PDZD2: variants seen among roughly 807,000 people sequenced by gnomAD.
The protein encoded by PDZD2 is PDZ domain-containing protein 2.
A neutral mutation model predicts 220.7 loss-of-function variants in PDZD2; 90 were observed. That is an observed-to-expected ratio of 0.41 (90% confidence interval 0.34 to 0.49). The LOEUF is 0.49. Ranked by LOEUF, PDZD2 falls within the 20% of genes least tolerant of loss-of-function variation. PDZD2 has a pLI of 0.28. For missense variants in PDZD2, 3,174 were observed against 3,608.5 expected (o/e 0.88, Z 3.08); for synonymous variants, 1,375 against 1,450.5 (o/e 0.95, Z 1.18).
chr5:31,760,344 G>T (rs1018070308), intron 1 of PDZD2, among the ~76,000 whole-genome samples: 2 of 152,138 alleles, frequency 1.3e-5, no homozygotes, highest in African/African-American at 4.8e-5. Context: ...AAGCCTAGAG[G>T]AATAATCAGA....
At chr5:32,058,472 C>T (rs912186727) in intron 12 of PDZD2, among the ~76,000 whole-genome samples, 1 of 151,022 alleles carries the variant, frequency 6.6e-6, no homozygotes, top group African/African-American at 2.4e-5. Context: ...AGTTTGAGAC[C>T]AGCCTCCCCA....
At chr5:31,720,968 G>C (rs1368656583) in intron 1 of PDZD2, among the ~76,000 whole-genome samples, 1 of 152,164 alleles carries the variant, frequency 6.6e-6, no homozygotes, top group East Asian at 1.9e-4. Context: ...TAGTTTCTGT[G>C]GGTAGCCTTG....
At chr5:31,883,502 T>C (rs1384451652) in intron 2 of PDZD2, among the ~76,000 whole-genome samples, 2 of 152,190 alleles carry the variant, frequency 1.3e-5, no homozygotes, top group African/African-American at 2.4e-5. Flanking sequence ...ACTACAGGCA[T>C]GAGCCACCGT....
At chr5:31,695,684 G>A (rs894848335) in intron 1 of PDZD2, among the ~76,000 whole-genome samples, 6 of 152,164 alleles carry the variant, frequency 3.9e-5, no homozygotes, top group Admixed American at 6.5e-5. Flanking sequence ...TTTACAGGGC[G>A]TCCTTCCGCT....
At chr5:32,002,964 A>C (rs1752372228) in intron 5 of PDZD2, among the ~76,000 whole-genome samples, 1 of 99,002 alleles carries the variant, frequency 1.0e-5, no homozygotes, top group African/African-American at 4.1e-5. Context: ...CCACACACAC[A>C]CCAACACACA....
chr5:31,683,911 C>T (rs193160809), intron 1 of PDZD2, among the ~76,000 whole-genome samples: 41 of 152,172 alleles, frequency 2.7e-4, no homozygotes, highest in Non-Finnish European at 4.9e-4. Context: ...AGAAAGGTTG[C>T]ACAAATTTAC....
chr5:32,102,188 C>A (rs1202139666), intron 24 of PDZD2, among the ~76,000 whole-genome samples: 1 of 152,060 alleles, frequency 6.6e-6, no homozygotes, highest in African/African-American at 2.4e-5. Flanking sequence ...AATGAAGCCT[C>A]TGTGGTAAGC....
rs1345334581 is a variant in PDZD2, at chr5:32,098,625, C to G, written c.8209C>G (p.Pro2737Ala). 3 of 1,612,714 alleles carry G rather than the reference C, an allele frequency of 1.9e-6. No individual in the cohort carries two copies. Among genetic ancestry groups the G allele is most frequent in the Admixed American group, 1.7e-5 (1 of 59,864 alleles). Residue 2737 changes from proline to alanine, a missense_variant, in exon 23 of 25, where the codon CCT becomes GCT. This residue lies in a region of PDZD2 where 631 missense variants were observed against 789.9 expected (regional missense o/e 0.80). Coordinates refer to ENST00000438447, the MANE Select transcript of PDZD2 (RefSeq NM_178140.4). This position sits in a 1 kb window ranked among gnomAD's most constrained non-coding sequence, Gnocchi z 4.1. ...LLSRKTIPLE[P>A]GIGRSVAVHD... is the part of the protein sequence containing the mutation. Reference sequence around the variant, plus strand: ...GTCCAGAAAGACCATCCCCCTGGAGCCTGGCATTGGTAAGATGATCATTTC... The same window carrying G: ...GTCCAGAAAGACCATCCCCCTGGAGGCTGGCATTGGTAAGATGATCATTTC...
At chr5:31,992,059 A>G (rs552241771) in intron 3 of PDZD2, among the ~76,000 whole-genome samples, 28 of 152,106 alleles carry the variant, frequency 1.8e-4, no homozygotes, top group Non-Finnish European at 3.7e-4. Context: ...ACAACAACAA[A>G]AAAAACTGCT....
intron 2 of PDZD2, among the ~76,000 whole-genome samples, chr5:31,864,573 G>T (rs543619302): frequency 1.6e-4 from 25 of 151,734 alleles, no homozygotes; most frequent in Admixed American, 1.6e-3. Flanking sequence ...AGGCTGGAGT[G>T]CAATGGCACA....
At chr5:32,008,562 G>A (rs1157372234) in intron 5 of PDZD2, among the ~76,000 whole-genome samples, 3 of 152,158 alleles carry the variant, frequency 2.0e-5, no homozygotes, top group Non-Finnish European at 4.4e-5. Flanking sequence ...TAGGATTACA[G>A]GCATGAGCCA....
chr5:32,073,514 G>T (rs73074165), intron 17 of PDZD2, among the ~76,000 whole-genome samples: 4,959 of 151,540 alleles, frequency 0.033, 264 homozygotes, highest in African/African-American at 0.11. Flanking sequence ...CCCTAACAAT[G>T]TGTTAGATAA....
intron 1 of PDZD2, among the ~76,000 whole-genome samples, chr5:31,766,666 A>T (rs779248306): frequency 1.6e-4 from 24 of 152,024 alleles, no homozygotes; most frequent in Non-Finnish European, 2.8e-4. Flanking sequence ...TGCTGGGATT[A>T]CAGGTGTGAG....
In PDZD2 at chr5:32,069,625, A is replaced by G. The variant is rs769386186; in HGVS notation, c.2508A>G (p.Lys836=). The change falls in exon 15 of 25, where the codon AAA becomes AAG. Residue 836 remains lysine (K), a synonymous_variant. Transcript: ENST00000438447. ...CACGCAGCACTTATCAGGAGAGCAA[A>G]GAGGCCAATTCCTCTCCTGGCTTAG... The part of the protein sequence containing the change: ...VIARSTYQES[K]EANSSPGLGT... The G allele has an allele frequency of 4.4e-6, 7 of 1,573,032 alleles. No homozygotes were observed. In the South Asian group the frequency reaches 6.6e-5, roughly 15 times the overall value.
intron 2 of PDZD2, among the ~76,000 whole-genome samples, chr5:31,884,982 T>C (rs1740315890): frequency 6.6e-6 from 1 of 152,074 alleles, no homozygotes; most frequent in South Asian, 2.1e-4. Context: ...ACATTGTTTG[T>C]GGGACGATGC....
chr5:31,766,079 C>T (rs564438643), intron 1 of PDZD2, among the ~76,000 whole-genome samples: 1 of 152,166 alleles, frequency 6.6e-6, no homozygotes, highest in South Asian at 2.1e-4. Flanking sequence ...ACTCAGGGGG[C>T]TGGGGTGGAA....
chr5:32,091,965 T>G (rs1158938144), intron 20 of PDZD2, among the ~76,000 whole-genome samples: 1 of 152,216 alleles, frequency 6.6e-6, no homozygotes, highest in Non-Finnish European at 1.5e-5. Flanking sequence ...GGAGAATTTC[T>G]AACATATTTA....
chr5:31,987,212 A>T (rs1835038), intron 3 of PDZD2, among the ~76,000 whole-genome samples: 113,736 of 152,066 alleles, frequency 0.75, 42,757 homozygotes, highest in Non-Finnish European at 0.78. Context: ...ATGTAGTCAC[A>T]TAGCAAAAAA....
intron 3 of PDZD2, among the ~76,000 whole-genome samples, chr5:31,986,071 T>C (rs1009851094): frequency 3.6e-5 from 4 of 112,144 alleles, no homozygotes; most frequent in African/African-American, 1.4e-4. Flanking sequence ...GCGAAACTCT[T>C]GTCTCAAAAA....
Sources: allele counts gnomAD v4.1 joint callset (sites outside exome capture counted in the v4.1 genomes callset), GRCh38; gene constraint gnomAD v4.1.1; regional missense constraint gnomAD v4.1.1; non-coding constraint Gnocchi (gnomAD v3.1); transcripts MANE v1.5; gene names NCBI Gene and HGNC (gene_info 2026-07-23, HGNC 2026-07-21).